The following NFIB variants were observed in gnomAD, a reference collection of about 807,000 sequenced individuals.
NFIB encodes nuclear factor 1 B-type.
Under a neutral mutation model 61.5 loss-of-function variants are expected in NFIB, and 11 were observed. The ratio of observed to expected loss-of-function variants is 0.18; its 90% CI spans 0.11 to 0.30. The LOEUF (loss-of-function observed/expected upper bound fraction) is 0.30. Among genes scored for constraint, NFIB ranks in the 10% least tolerant of loss-of-function variants. The probability of loss-of-function intolerance (pLI) is 1.00; values close to 1 mark genes in which losing one functional copy is unlikely to be tolerated. For synonymous variants in NFIB, 260 were observed against 216.5 expected, an observed-to-expected ratio of 1.20 and a Z score of -1.76; for missense variants, 471 against 608.9, an observed-to-expected ratio of 0.77 and a Z score of 2.38.
the NFIB span, among the ~76,000 whole-genome samples, chr9:14,424,912 C>T: frequency 6.6e-6 from 1 of 152,172 alleles, no homozygotes; most frequent in South Asian, 2.1e-4. Flanking sequence ...CTAGTGCTGG[C>T]AACATTAGGA....
At chr9:14,107,538 T>C (rs2036747226) in intron 10 of NFIB, among the ~76,000 whole-genome samples, 1 of 152,136 alleles carries the variant, frequency 6.6e-6, no homozygotes, top group African/African-American at 2.4e-5. Context: ...GTTTTTAAAT[T>C]AGAGGCTACT....
chr9:14,503,138 G>GTGTA, the NFIB span, among the ~76,000 whole-genome samples: 8 of 149,674 alleles, frequency 5.3e-5, no homozygotes, highest in African/African-American at 9.8e-5. Context: ...GTGTGTGTGT[G>GTGTA]TATATATATA....
At chr9:14,181,412 G>A (rs1458693174) in intron 2 of NFIB, among the ~76,000 whole-genome samples, 1 of 152,142 alleles carries the variant, frequency 6.6e-6, no homozygotes, top group Non-Finnish European at 1.5e-5. Context: ...TCAGAGAGCT[G>A]AGAACTCTCT....
the NFIB span, among the ~76,000 whole-genome samples, chr9:14,486,710 C>CAT: frequency 6.6e-6 from 1 of 151,938 alleles, no homozygotes; most frequent in South Asian, 2.1e-4. Flanking sequence ...CACACACACA[C>CAT]ACACATACAC....
In NFIB at chr9:14,085,834, TG is replaced by T. The variant is rs1339424783; in HGVS notation, c.*2474del. The T allele has an allele frequency of 4.5e-6, 1 of 221,880 alleles. No homozygotes were observed. Among genetic ancestry groups the T allele is most frequent in the Non-Finnish European group, 9.0e-6 (1 of 110,888 alleles). The allele number at this position is 221,880 out of a possible 1,614,324, so 13.7% of individuals were successfully genotyped here. A position where few individuals can be genotyped will look rare whatever the true frequency, so the allele number is the denominator to read the frequency against. On this transcript the variant is annotated 3_prime_UTR_variant, in exon 11 of 11. Coordinates refer to ENST00000380953, the MANE Select transcript of NFIB (RefSeq NM_001190737.2). ...GGGAGACTCCCTCCAACAGGTCTAA[TG>T]TGTTTTCTAGGAGAAAGAATATTCA... is the stretch of plus-strand genomic sequence containing the variant.
At chr9:14,344,419 G>GT (rs398010344) in intron 1 of NFIB, among the ~76,000 whole-genome samples, 1 of 151,440 alleles carries the variant, frequency 6.6e-6, no homozygotes, top group African/African-American at 2.4e-5. Context: ...GAAGGGGGGG[G>GT]TAGAGGGAGT....
chr9:14,179,630 A>C (rs1410065180), intron 3 of NFIB, 97 bp downstream of exon 3: 19 of 1,345,770 alleles, frequency 1.4e-5, no homozygotes, highest in Non-Finnish European at 1.9e-5. Context: ...GCCAGAACAA[A>C]ATAGGCAGCT....
chr9:14,426,275 C>T, the NFIB span, among the ~76,000 whole-genome samples: 1 of 152,180 alleles, frequency 6.6e-6, no homozygotes, highest in East Asian at 1.9e-4. Flanking sequence ...ACTCTGTGCC[C>T]TTCCACCACT....
chr9:14,101,868 CCTT>C (rs1279087951), intron 10 of NFIB, among the ~76,000 whole-genome samples: 1 of 152,086 alleles, frequency 6.6e-6, no homozygotes, highest in African/African-American at 2.4e-5. Context: ...TTAACAAATT[CCTT>C]CTTTAGTTAC....
intron 2 of NFIB, among the ~76,000 whole-genome samples, chr9:14,217,780 T>C (rs1158325774): frequency 3.3e-5 from 5 of 152,106 alleles, no homozygotes; most frequent in African/African-American, 1.2e-4. Flanking sequence ...ATTCAAGATA[T>C]TACTTCACCA....
In NFIB at chr9:14,313,818, C is replaced by A; in HGVS notation, c.-307G>T. The A allele has an allele frequency of 1.5e-6, 2 of 1,310,140 alleles. No homozygotes were observed. Among genetic ancestry groups the A allele is most frequent in the Non-Finnish European group, 1.9e-6 (2 of 1,028,242 alleles). The allele number at this position is 1,310,140 out of a possible 1,614,324, so 81.2% of individuals were successfully genotyped here. ...CGCCGCCGGTGTTGGCTGCTTTTCG[C>A]CTGGGTTTGGGGATTTGTTTTCTAT... On this transcript the variant is annotated 5_prime_UTR_variant, in exon 1 of 11. Coordinates refer to ENST00000380953, the MANE Select transcript of NFIB (RefSeq NM_001190737.2). This position sits in a 1 kb window ranked among gnomAD's most constrained non-coding sequence, Gnocchi z 4.5.
At chr9:14,116,706 T>A (rs771444035) in intron 8 of NFIB, among the ~76,000 whole-genome samples, 5 of 152,270 alleles carry the variant, frequency 3.3e-5, no homozygotes, top group Non-Finnish European at 7.3e-5. Context: ...CTAGCTACAG[T>A]TGGAACCCAA....
chr9:14,277,695 A>C (rs1003546381), intron 2 of NFIB, among the ~76,000 whole-genome samples: 2 of 152,164 alleles, frequency 1.3e-5, no homozygotes, highest in African/African-American at 4.8e-5. Context: ...ATAGACCTAA[A>C]GTAAGGGCTT....
chr9:14,135,987 G>C (rs1373936894), intron 6 of NFIB, among the ~76,000 whole-genome samples: 2 of 152,062 alleles, frequency 1.3e-5, no homozygotes, highest in African/African-American at 4.8e-5. Flanking sequence ...CGGTTAAGTA[G>C]CATGTTCCTA....
At chr9:14,493,716 C>A in the NFIB span, among the ~76,000 whole-genome samples, 1 of 152,106 alleles carries the variant, frequency 6.6e-6, no homozygotes, top group African/African-American at 2.4e-5. Context: ...TTCCCAGGAC[C>A]AGAATGTACT....
In NFIB at chr9:14,307,146, C is replaced by T; in HGVS notation, c.405G>A (p.Val135=). ...CCAAGGGGATGCCTTTGAACAGGAT[C>T]ACCATGACTAGATCCAGACGCCAGA... ...DKVWRLDLVM[V]ILFKGIPLES... is the part of the protein sequence containing the mutation. The change falls in exon 2 of 11, where the codon GTG becomes GTA. Residue 135 remains valine, a synonymous_variant. Coordinates refer to ENST00000380953, the MANE Select transcript of NFIB (RefSeq NM_001190737.2). The surrounding 1 kb of genome is among the most constrained non-coding windows in gnomAD (Gnocchi z 5.3). 6.2e-7 allele frequency: 1 copy of T among 1,614,142 alleles called. No homozygotes were observed. Among genetic ancestry groups the T allele is most frequent in the Non-Finnish European group, 8.5e-7 (1 of 1,180,028 alleles).
chr9:14,368,395 T>A (rs1368387881), intron 1 of NFIB, among the ~76,000 whole-genome samples: 1 of 152,334 alleles, frequency 6.6e-6, no homozygotes, highest in East Asian at 1.9e-4. Flanking sequence ...TTAAAAGTTG[T>A]TTACTTACTA....
intron 1 of NFIB, among the ~76,000 whole-genome samples, chr9:14,344,108 A>AAGAGAGAGAGAGAG: frequency 7.1e-6 from 1 of 141,556 alleles, no homozygotes; most frequent in African/African-American, 2.6e-5. Context: ...GAGAGAGAGA[A>AAGAGAGAGAGAGAG]AGAGAGAGAG....
At chr9:14,277,319 G>A (rs759583306) in intron 2 of NFIB, among the ~76,000 whole-genome samples, 13 of 141,626 alleles carry the variant, frequency 9.2e-5, no homozygotes, top group South Asian at 2.4e-4. Flanking sequence ...ATGTGCACCC[G>A]CGCACACACG....
Sources: allele counts gnomAD v4.1 joint callset (sites outside exome capture counted in the v4.1 genomes callset), GRCh38; gene constraint gnomAD v4.1.1; non-coding constraint Gnocchi (gnomAD v3.1); transcripts MANE v1.5; gene names NCBI Gene and HGNC (gene_info 2026-07-23, HGNC 2026-07-21).